UNC13C: variants seen among roughly 807,000 people sequenced by gnomAD.
UNC13C encodes the protein unc-13 homolog C, also known as protein unc-13 homolog C.
In UNC13C, 174 loss-of-function variants were observed where a neutral mutation model predicts 245.4. The observed-to-expected ratio is 0.71, with a 90% CI of 0.63 to 0.80. The LOEUF (loss-of-function observed/expected upper bound fraction) is 0.80. Ranked by LOEUF, UNC13C falls within the 30% of genes least tolerant of loss-of-function variation. The pLI is 0.00. For synonymous variants in UNC13C, 992 were observed against 895.1 expected, an observed-to-expected ratio of 1.11 and a Z score of -1.93; for missense variants, 2,829 against 2,602.9, an observed-to-expected ratio of 1.09 and a Z score of -1.89.
chr15:54,613,322 CAT>C (rs1247162657), intron 30 of UNC13C, among the ~76,000 whole-genome samples: 18 of 151,724 alleles, frequency 1.2e-4, no homozygotes, highest in African/African-American at 3.9e-4. Flanking sequence ...CAATAGTTGA[CAT>C]ATTAAAAAAT....
intron 17 of UNC13C, among the ~76,000 whole-genome samples, chr15:54,347,860 T>C (rs890169449): frequency 6.6e-6 from 1 of 152,204 alleles, no homozygotes; most frequent in Non-Finnish European, 1.5e-5. Flanking sequence ...ATCTCTGTTA[T>C]GAATTTCTTA....
At chr15:54,573,868 C>T (rs1361201061) in intron 30 of UNC13C, among the ~76,000 whole-genome samples, 1 of 152,104 alleles carries the variant, frequency 6.6e-6, no homozygotes, top group Non-Finnish European at 1.5e-5. Flanking sequence ...GTCTAGGACA[C>T]CCTAATCTAA....
chr15:54,320,524 G>A (rs954328088), intron 13 of UNC13C, among the ~76,000 whole-genome samples: 18 of 151,874 alleles, frequency 1.2e-4, no homozygotes, highest in African/African-American at 1.7e-4. Flanking sequence ...CTAAAATAAC[G>A]TGTTATACAA....
chr15:54,467,615 A>C (rs554468912), intron 19 of UNC13C, among the ~76,000 whole-genome samples: 57 of 151,756 alleles, frequency 3.8e-4, no homozygotes, highest in African/African-American at 1.2e-3. Context: ...TTTCACTAAT[A>C]TATCCCCTTC....
At chr15:54,380,296 G>A (rs2039696212) in intron 17 of UNC13C, among the ~76,000 whole-genome samples, 1 of 152,054 alleles carries the variant, frequency 6.6e-6, no homozygotes, top group Non-Finnish European at 1.5e-5. Context: ...CATCCATGAA[G>A]CAACATTTCC....
intron 30 of UNC13C, among the ~76,000 whole-genome samples, chr15:54,590,942 C>A (rs926793698): frequency 6.1e-4 from 93 of 152,194 alleles, no homozygotes; most frequent in African/African-American, 2.2e-3. Flanking sequence ...TCATAGATGG[C>A]TTTTATTACA....
chr15:54,456,682 T>C (rs1401864778), intron 19 of UNC13C, among the ~76,000 whole-genome samples: 1 of 151,878 alleles, frequency 6.6e-6, no homozygotes, highest in Non-Finnish European at 1.5e-5. Context: ...CTCATCTTGG[T>C]CACTACTGGT....
chr15:54,246,217 A>G (rs957608887), intron 7 of UNC13C, among the ~76,000 whole-genome samples: 6 of 152,154 alleles, frequency 3.9e-5, no homozygotes, highest in Non-Finnish European at 7.4e-5. Flanking sequence ...CAATTTTTGG[A>G]GAAGAAAGTT....
At chr15:54,315,459 A>G (rs1182918639) in intron 13 of UNC13C, among the ~76,000 whole-genome samples, 1 of 151,006 alleles carries the variant, frequency 6.6e-6, no homozygotes, top group Non-Finnish European at 1.5e-5. Flanking sequence ...ACTTTTACCT[A>G]TCTAGTATTT....
intron 17 of UNC13C, among the ~76,000 whole-genome samples, chr15:54,385,131 G>A (rs972353558): frequency 3.3e-5 from 5 of 152,006 alleles, no homozygotes; most frequent in Admixed American, 1.3e-4. Context: ...CCGCTACTGG[G>A]AAACATGTAC....
intron 18 of UNC13C, among the ~76,000 whole-genome samples, chr15:54,412,752 C>T (rs1323562632): frequency 1.3e-5 from 2 of 152,096 alleles, no homozygotes; most frequent in Non-Finnish European, 2.9e-5. Context: ...AGTCTTATTT[C>T]TTCCTTTGCT....
At chr15:54,245,203 A>G (rs970393709) in intron 7 of UNC13C, among the ~76,000 whole-genome samples, 1 of 152,178 alleles carries the variant, frequency 6.6e-6, no homozygotes, top group Non-Finnish European at 1.5e-5. Context: ...TCACTTGTAT[A>G]CATTTTTATT....
intron 7 of UNC13C, among the ~76,000 whole-genome samples, chr15:54,243,518 G>C (rs534220782): frequency 3.3e-5 from 5 of 152,252 alleles, no homozygotes; most frequent in Admixed American, 2.0e-4. Context: ...GGATTGCTGG[G>C]TCAAGTGGTA....
At chr15:53,951,903 A>AC in the UNC13C span, among the ~76,000 whole-genome samples, 1 of 152,114 alleles carries the variant, frequency 6.6e-6, no homozygotes, top group Non-Finnish European at 1.5e-5. Flanking sequence ...GGATCTGGAG[A>AC]CCAGCTGGTC....
At chr15:54,054,615 A>T (rs936966974) in intron 2 of UNC13C, among the ~76,000 whole-genome samples, 2 of 152,150 alleles carry the variant, frequency 1.3e-5, no homozygotes, top group African/African-American at 2.4e-5. Context: ...CCCAAATTTG[A>T]AGGATTTTCT....
intron 10 of UNC13C, among the ~76,000 whole-genome samples, chr15:54,278,332 G>C (rs918450483): frequency 2.0e-5 from 3 of 152,084 alleles, no homozygotes; most frequent in African/African-American, 7.2e-5. Context: ...CACATGTCAG[G>C]TTAATATTCT....
intron 2 of UNC13C, among the ~76,000 whole-genome samples, chr15:54,079,525 C>A (rs776808349): frequency 6.6e-6 from 1 of 151,708 alleles, no homozygotes; most frequent in Non-Finnish European, 1.5e-5. Context: ...GGTCTTTTAC[C>A]TCTTGGTTAG....
At chr15:53,945,240 T>G in the UNC13C span, among the ~76,000 whole-genome samples, 1 of 152,208 alleles carries the variant, frequency 6.6e-6, no homozygotes, top group Non-Finnish European at 1.5e-5. Flanking sequence ...AGAAGCTCTT[T>G]AGTTCAATTA....
chr15:54,561,856 G>C (rs1013022351), intron 29 of UNC13C, among the ~76,000 whole-genome samples: 1 of 151,954 alleles, frequency 6.6e-6, no homozygotes, highest in Admixed American at 6.6e-5. Context: ...TATCAGCAAG[G>C]TGGTGGCTTT....
Sources: allele counts gnomAD v4.1 joint callset (sites outside exome capture counted in the v4.1 genomes callset), GRCh38; gene constraint gnomAD v4.1.1; transcripts MANE v1.5; gene names NCBI Gene and HGNC (gene_info 2026-07-23, HGNC 2026-07-21).